The following VPS35 variants were observed in gnomAD, a reference collection of about 807,000 sequenced individuals.
VPS35 encodes the protein vacuolar protein sorting-associated protein 35.
In VPS35, 21 loss-of-function variants were observed where a neutral mutation model predicts 98.1. That is an observed-to-expected ratio of 0.21 (90% CI 0.15 to 0.31). The LOEUF is 0.31. Among genes scored for constraint, VPS35 ranks in the 10% least tolerant of loss-of-function variants. The pLI is 1.00. For missense variants in VPS35, 554 were observed against 950.8 expected (o/e 0.58, Z 5.49); for synonymous variants, 268 against 318.2 (o/e 0.84, Z 1.68).
chr16:46,671,128 A>G (rs75755609), intron 12 of VPS35, among the ~76,000 whole-genome samples: 1 of 150,250 alleles, frequency 6.7e-6, no homozygotes, highest in African/African-American at 2.4e-5. Flanking sequence ...TCTTTATCAG[A>G]AAAAAAAAAG....
At chr16:46,669,747 G>A (rs1328565689) in intron 12 of VPS35, among the ~76,000 whole-genome samples, 2 of 152,106 alleles carry the variant, frequency 1.3e-5, no homozygotes, top group East Asian at 3.9e-4. Flanking sequence ...AAAAGCAGAT[G>A]CTAATACTTA....
intron 1 of VPS35, chr16:46,688,674 G>C: frequency 3.8e-6 from 4 of 1,057,436 alleles, no homozygotes; most frequent in Non-Finnish European, 4.6e-6. Flanking sequence ...GGAGGGCGTG[G>C]GGACGGCCGA....
rs1408515123 is a variant in VPS35, at chr16:46,672,299, A to T, written c.1334T>A (p.Leu445Gln). 6.2e-7 allele frequency: 1 copy of T among 1,613,864 alleles called. No individual in the cohort carries two copies. Among genetic ancestry groups the T allele is most frequent in the South Asian group, 1.1e-5 (1 of 91,076 alleles). The change falls in exon 11 of 17, where the codon CTG becomes CAG. Residue 445 changes from leucine (L) to glutamine (Q), a missense_variant. By Grantham distance (113) the Leu-to-Gln change is moderately radical. Around this residue, in one of 5 missense-constraint regions of VPS35, gnomAD observed 254 missense variants for 390.1 expected, o/e 0.65. Coordinates refer to ENST00000299138, the MANE Select transcript of VPS35 (RefSeq NM_018206.6). ...AGAGACAATTTCTGTGTTATAATCC[A>T]GAACATTACTAAGCACATAACAACT... ...SMSCYVLSNV[L>Q]DYNTEIVSQD...
chr16:46,674,371 T>C lies in VPS35; in HGVS notation c.1103A>G (p.Tyr368Cys). The change falls in exon 10 of 17, where the codon TAT (tyrosine) becomes TGT (cysteine). Residue 368 changes from tyrosine to cysteine, a missense_variant. By Grantham distance (194) the Tyr-to-Cys change is radical (BLOSUM62 -2). Transcript: ENST00000299138. ...TGTTGTTTCTAGAACTTTATCAACA[T>C]AGTCCACACGATCAGGGTAACATTT... ...AMKCYPDRVDYVDKVLETTVE... is the reference protein window; with the variant it reads ...AMKCYPDRVDCVDKVLETTVE... The C allele has an allele frequency of 6.2e-7, 1 of 1,614,078 alleles. No homozygotes were observed. Among genetic ancestry groups the C allele is most frequent in the Non-Finnish European group, 8.5e-7 (1 of 1,179,992 alleles).
At chr16:46,688,798 G>A (rs1966368152) in intron 1 of VPS35, 2 of 1,335,882 alleles carry the variant, frequency 1.5e-6, no homozygotes, top group African/African-American at 2.9e-5. Flanking sequence ...TAGGACTACC[G>A]GTCCCCTCGT....
intron 8 of VPS35, among the ~76,000 whole-genome samples, chr16:46,675,165 T>TA (rs201066588): frequency 0.013 from 2,031 of 151,136 alleles, 48 homozygotes; most frequent in African/African-American, 0.045. Flanking sequence ...CACACCATAT[T>TA]AAGTAGATTT....
chr16:46,677,418 C>A lies in VPS35; in HGVS notation c.721-20G>T. The A allele has an allele frequency of 6.3e-7, 1 of 1,597,126 alleles. No homozygotes were observed. The highest frequency in any genetic ancestry group is 2.2e-5 in the East Asian group (1 of 44,762). ...AACAATCTAAAAGAGAAAAAACACACATAAGGGTTAAAATCTGTTTTCAAA... is the reference window on the plus strand; with the variant it reads ...AACAATCTAAAAGAGAAAAAACACAAATAAGGGTTAAAATCTGTTTTCAAA... On this transcript the variant is annotated intron_variant, in intron 6 of 16. Transcript: ENST00000299138.
intron 13 of VPS35, among the ~76,000 whole-genome samples, chr16:46,666,286 T>A (rs1965987872): frequency 6.6e-6 from 1 of 150,682 alleles, no homozygotes; most frequent in African/African-American, 2.4e-5. Flanking sequence ...TTTTTTTTTT[T>A]AGACGGAGTT....
intron 1 of VPS35, among the ~76,000 whole-genome samples, chr16:46,684,707 C>T (rs1966286098): frequency 1.3e-5 from 2 of 152,108 alleles, no homozygotes; most frequent in African/African-American, 4.8e-5. Context: ...ATCCAACACA[C>T]TGCTTGATAC....
Position 46,682,162 on chromosome 16 carries a change from A to G in VPS35, c.116T>C (p.Leu39Pro). The G allele has an allele frequency of 1.2e-6, 2 of 1,613,328 alleles. No homozygotes were observed. The highest frequency in any genetic ancestry group is 1.7e-6 in the Non-Finnish European group (2 of 1,179,404). The change falls in exon 3 of 17, where the codon CTT becomes CCT. Residue 39 changes from leucine (L) to proline (P), a missense_variant. Physicochemically the swap from Leu to Pro is moderately conservative, Grantham distance 98. Around this residue, in one of 5 missense-constraint regions of VPS35, gnomAD observed 67 missense variants for 103.3 expected, o/e 0.65. Coordinates refer to ENST00000299138, the MANE Select transcript of VPS35 (RefSeq NM_018206.6). ...QMKRCLDKNK[L>P]MDALKHASNM... The stretch of plus-strand genomic sequence containing the variant: ...AGAAGCATGTTTTAGAGCATCCATA[A>G]GCTTGTTTTTGTCCTACAGAAATAC...
chr16:46,682,109 T>C lies in VPS35; in HGVS notation c.169A>G (p.Met57Val), dbSNP rs375285388. 6 of 1,613,320 alleles carry C rather than the reference T, an allele frequency of 3.7e-6. No individual in the cohort carries two copies. The highest frequency in any genetic ancestry group is 5.1e-6 in the Non-Finnish European group (6 of 1,179,500). ...SNMLGELRTS[M>V]LSPKSYYELY... The stretch of plus-strand genomic sequence containing the variant: ...TCATAGTAACTCTTTGGTGATAACA[T>C]AGAAGTCCGGAGTTCACCAAGCATA... Residue 57 changes from methionine to valine, a missense_variant, in exon 3 of 17, where the codon ATG (methionine) becomes GTG (valine). Physicochemically the swap from Met to Val is conservative, Grantham distance 21. Coordinates refer to ENST00000299138, the MANE Select transcript of VPS35 (RefSeq NM_018206.6).
intron 3 of VPS35, 78 bp downstream of exon 3, chr16:46,682,001 C>T: frequency 8.8e-7 from 1 of 1,135,384 alleles, no homozygotes; most frequent in Non-Finnish European, 1.3e-6. Flanking sequence ...AGAAAAACTT[C>T]ATAAAGAACA....
intron 1 of VPS35, among the ~76,000 whole-genome samples, chr16:46,688,043 T>C (rs966037135): frequency 2.0e-5 from 3 of 152,256 alleles, no homozygotes; most frequent in African/African-American, 7.2e-5. Flanking sequence ...GCCGGTCTTG[T>C]ATCAATTCCC....
intron 5 of VPS35, among the ~76,000 whole-genome samples, chr16:46,679,766 T>C (rs1185864109): frequency 6.6e-6 from 1 of 152,184 alleles, no homozygotes; most frequent in Non-Finnish European, 1.5e-5. Flanking sequence ...GATTGCCTAA[T>C]TAAATGCTCA....
At chr16:46,660,983 G>C (rs1596708913) in intron 16 of VPS35, 2 of 374,988 alleles carry the variant, frequency 5.3e-6, no homozygotes, top group Non-Finnish European at 1.0e-5. Flanking sequence ...CCCATCTCTA[G>C]TAATAATACA....
chr16:46,660,611 C>T lies in VPS35; in HGVS notation c.2252G>A (p.Arg751Gln), dbSNP rs1422906762. The change falls in exon 17 of 17, where the codon CGA becomes CAA. Residue 751 changes from arginine (R) to glutamine (Q), a missense_variant. Physicochemically the swap from Arg to Gln is conservative, Grantham distance 43. Coordinates refer to ENST00000299138, the MANE Select transcript of VPS35 (RefSeq NM_018206.6). Reference protein sequence around the residue: ...QVLNQLIQKIREDLPNLESSE... With the variant: ...QVLNQLIQKIQEDLPNLESSE... ...GGATTCAAGATTCGGGAGGTCTTCT[C>T]GAATCTTTTGGATAAGCTGGTTTAA... 2.5e-6 allele frequency: 4 copies of T among 1,613,838 alleles called. No homozygotes were observed. Among genetic ancestry groups the T allele is most frequent in the South Asian group, 1.1e-5 (1 of 91,058 alleles).
rs574891152 is a variant in VPS35 at position 46,677,494 on chromosome 16, G to A, written c.721-96C>T. 1.5e-4 allele frequency: 153 copies of A among 1,027,266 alleles called. No individual in the cohort carries two copies. In the African/African-American group the frequency reaches 1.9e-3, roughly 13 times the overall value. 63.6% of individuals were successfully genotyped at this position (1,027,266 alleles called of 1,614,324 possible). On this transcript the variant is annotated intron_variant, in intron 6 of 16. Coordinates refer to ENST00000299138, the MANE Select transcript of VPS35 (RefSeq NM_018206.6). ...CATTTGAACTACTAACTTGAAAATC[G>A]TATTTGAGATTTTTCTCACCAAGAC...
chr16:46,675,599 T>A (rs1157606450), intron 8 of VPS35, among the ~76,000 whole-genome samples: 1 of 152,202 alleles, frequency 6.6e-6, no homozygotes, highest in Non-Finnish European at 1.5e-5. Flanking sequence ...GCTGACAATT[T>A]GGAAAAATTT....
intron 6 of VPS35, among the ~76,000 whole-genome samples, chr16:46,678,305 TAAAA>T (rs58288436): frequency 2.1e-4 from 25 of 119,350 alleles, no homozygotes; most frequent in African/African-American, 7.8e-4. Context: ...TGATGAGCTT[TAAAA>T]AAAAAAAAAA....
Sources: gnomAD v4.1 joint callset for allele counts (sites outside exome capture counted in the v4.1 genomes callset) on GRCh38, gnomAD v4.1.1 for gene constraint, gnomAD v4.1.1 regional missense constraint, MANE v1.5 for transcripts, NCBI Gene and HGNC (gene_info 2026-07-23, HGNC 2026-07-21) for gene names.